RNF150: variants seen among roughly 807,000 people sequenced by gnomAD.
The protein encoded by RNF150 is ring finger protein 150.
RNF150 carries 24 observed loss-of-function variants against 39.3 expected under a neutral mutation model. The observed-to-expected ratio is 0.61, with a 90% CI of 0.44 to 0.86. The LOEUF is 0.86. Ranked by LOEUF, RNF150 falls within the 40% of genes least tolerant of loss-of-function variation. The pLI is 0.00. For synonymous variants in RNF150, 255 were observed against 227.3 expected, an observed-to-expected ratio of 1.12 and a Z score of -1.10; for missense variants, 502 against 587.8, an observed-to-expected ratio of 0.85 and a Z score of 1.51.
intron 1 of RNF150, among the ~76,000 whole-genome samples, chr4:141,040,797 G>A (rs1379192008): frequency 6.6e-6 from 1 of 152,026 alleles, no homozygotes; most frequent in Non-Finnish European, 1.5e-5. Flanking sequence ...ATGGTCAGTA[G>A]GTGGAAACAT....
intron 1 of RNF150, among the ~76,000 whole-genome samples, chr4:140,976,143 A>C (rs73857158): frequency 0.018 from 2,789 of 152,172 alleles, 77 homozygotes; most frequent in African/African-American, 0.063. Context: ...TTTAAATTAA[A>C]TTTATTTTTA....
At chr4:141,047,926 C>G (rs1016802140) in intron 1 of RNF150, among the ~76,000 whole-genome samples, 7 of 152,232 alleles carry the variant, frequency 4.6e-5, no homozygotes, top group Admixed American at 2.6e-4. Context: ...CAGCCACCTA[C>G]CAGTAGTGAT....
intron 1 of RNF150, among the ~76,000 whole-genome samples, chr4:141,143,234 C>A (rs1470728011): frequency 6.6e-6 from 1 of 152,138 alleles, no homozygotes; most frequent in Non-Finnish European, 1.5e-5. Flanking sequence ...ACTCGCTTAT[C>A]CAGCTGCCTA....
chr4:141,162,019 G>A lies in RNF150; in HGVS notation c.-6+50775C>T, dbSNP rs549764038. Among the ~76,000 whole-genome samples the A allele has an allele frequency of 1.2e-4, 18 of 152,354 alleles. No individual in the cohort carries two copies. The South Asian group carries it at 2.3e-3, about 19-fold the overall frequency. ...AACACAGAGTCCGCAATGGGGCATT[G>A]CCTAGTGGAGCTTTATGAAGAGGGC... is the stretch of plus-strand genomic sequence containing the variant. On this transcript the variant is annotated intron_variant, in intron 1 of 7. Coordinates refer to the RNF150 transcript ENST00000420921.
At position 141,152,771 on chromosome 4, in the gene RNF150, A is replaced by C. The variant is rs901940234; in HGVS notation, c.-6+60023T>G. Among the ~76,000 whole-genome samples the C allele has an allele frequency of 6.9e-4, 105 of 152,334 alleles. 2 individuals are homozygous for C. The highest frequency in any genetic ancestry group is 2.5e-3 in the African/African-American group (102 of 41,578). ...TTGTTAGATAAACTTCACTTTACAC[A>C]CATATGTAACATCATATAATGGGAA... is the stretch of plus-strand genomic sequence containing the variant. On this transcript the variant is annotated intron_variant, in intron 1 of 7. Coordinates refer to the RNF150 transcript ENST00000420921.
intron 6 of RNF150, among the ~76,000 whole-genome samples, chr4:140,886,326 T>C (rs1349146708): frequency 6.6e-6 from 1 of 152,160 alleles, no homozygotes; most frequent in Non-Finnish European, 1.5e-5. Flanking sequence ...CAAGTGTGTA[T>C]GTGGTTGTGT....
intron 2 of RNF150, among the ~76,000 whole-genome samples, chr4:140,962,064 CTT>C (rs1491463095): frequency 4.0e-4 from 41 of 102,956 alleles, no homozygotes; most frequent in South Asian, 1.3e-3. Context: ...CTCTCTCTCT[CTT>C]CTCTCTCTCT....
rs1726946804 is a variant in RNF150 at position 141,132,992 on chromosome 4, T to G, written c.-184A>C. 1.8e-6 allele frequency: 1 copy of G among 547,038 alleles called. No individual in the cohort carries two copies. Among genetic ancestry groups the G allele is most frequent in the South Asian group, 2.2e-5 (1 of 44,998 alleles). The allele number at this position is 547,038 out of a possible 1,614,324, so 33.9% of individuals were successfully genotyped here. A position where few individuals can be genotyped will look rare whatever the true frequency, so the allele number is the denominator to read the frequency against. ...CGGATTCCGGGCGAGCGGATGGCGC[T>G]GGCCCCTTCCCCTCTCAGCTGTAGC... On this transcript the variant is annotated 5_prime_UTR_variant, in exon 1 of 7. Transcript: ENST00000515673. This position sits in a 1 kb window ranked among gnomAD's most constrained non-coding sequence, Gnocchi z 4.9.
chr4:141,176,211 A>T (rs1727809136), intron 1 of RNF150, among the ~76,000 whole-genome samples: 1 of 152,046 alleles, frequency 6.6e-6, no homozygotes, highest in African/African-American at 2.4e-5. Context: ...TGTGATTCTT[A>T]AAACGGCACT....
chr4:141,078,934 T>C (rs543105298), intron 1 of RNF150, among the ~76,000 whole-genome samples: 35 of 148,176 alleles, frequency 2.4e-4, no homozygotes, highest in African/African-American at 8.7e-4. Context: ...TACATATATA[T>C]ACACACACAT....
intron 6 of RNF150, among the ~76,000 whole-genome samples, chr4:140,882,356 T>C (rs1729408938): frequency 6.6e-6 from 1 of 152,186 alleles, no homozygotes; most frequent in Admixed American, 6.5e-5. Context: ...TAACATGTGA[T>C]CTATCCTTGA....
chr4:141,186,714 T>G (rs1161937124), intron 1 of RNF150, among the ~76,000 whole-genome samples: 1 of 152,134 alleles, frequency 6.6e-6, no homozygotes, highest in Non-Finnish European at 1.5e-5. Context: ...CACTTTATCA[T>G]TTTTTATTGT....
intron 1 of RNF150, among the ~76,000 whole-genome samples, chr4:141,067,945 A>G (rs1737527009): frequency 6.9e-6 from 1 of 145,702 alleles, no homozygotes; most frequent in Non-Finnish European, 1.5e-5. Context: ...GAACAGAGTC[A>G]AGATACTTTT....
At chr4:140,919,047 G>A (rs1336705451) in intron 5 of RNF150, among the ~76,000 whole-genome samples, 3 of 151,454 alleles carry the variant, frequency 2.0e-5, no homozygotes, top group Admixed American at 6.6e-5. Context: ...AAAATAATAA[G>A]AGCTATCTAT....
chr4:141,173,846 G>A (rs1038333243), intron 1 of RNF150, among the ~76,000 whole-genome samples: 1 of 152,194 alleles, frequency 6.6e-6, no homozygotes, highest in Non-Finnish European at 1.5e-5. Context: ...CAAGTAAAAA[G>A]TGAAAGTTCT....
At chr4:141,115,087 C>T (rs573408467) in intron 1 of RNF150, among the ~76,000 whole-genome samples, 1 of 152,236 alleles carries the variant, frequency 6.6e-6, no homozygotes, top group South Asian at 2.1e-4. Flanking sequence ...CAGCACAAGA[C>T]AAGGATGCCT....
chr4:140,983,259 C>G (rs1733917366), intron 1 of RNF150, among the ~76,000 whole-genome samples: 1 of 152,140 alleles, frequency 6.6e-6, no homozygotes, highest in Non-Finnish European at 1.5e-5. Flanking sequence ...TTGCTCATCA[C>G]TTTCAACACA....
chr4:141,181,046 T>G (rs562820237), intron 1 of RNF150, among the ~76,000 whole-genome samples: 2 of 152,344 alleles, frequency 1.3e-5, no homozygotes, highest in South Asian at 4.1e-4. Flanking sequence ...AATACACATT[T>G]TAATAAAAGT....
chr4:141,062,888 C>T (rs112279191), intron 1 of RNF150, among the ~76,000 whole-genome samples: 244 of 152,272 alleles, frequency 1.6e-3, no homozygotes, highest in African/African-American at 5.6e-3. Flanking sequence ...TGGTCATGTG[C>T]ACCCAGTGCT....
Sources: allele counts gnomAD v4.1 joint callset (sites outside exome capture counted in the v4.1 genomes callset), GRCh38; gene constraint gnomAD v4.1.1; non-coding constraint Gnocchi (gnomAD v3.1); transcripts MANE v1.5; gene names NCBI Gene and HGNC (gene_info 2026-07-23, HGNC 2026-07-21).